SLC17A2: variants seen among roughly 807,000 people sequenced by gnomAD.
The protein encoded by SLC17A2 is solute carrier family 17 member 2.
A neutral mutation model predicts 52.1 loss-of-function variants in SLC17A2; 38 were observed. That is an observed-to-expected ratio of 0.73 (90% CI 0.56 to 0.96). SLC17A2 has a LOEUF of 0.96. SLC17A2 is among the 40% of genes least tolerant of loss of function. The pLI, the probability that SLC17A2 is intolerant of heterozygous loss-of-function variation, is 0.00. For missense variants in SLC17A2, 508 were observed against 583.9 expected, an observed-to-expected ratio of 0.87 and a Z score of 1.34; for synonymous variants, 226 against 211.9, an observed-to-expected ratio of 1.07 and a Z score of -0.58.
rs1384972605 is a variant in SLC17A2 at position 25,918,582 on chromosome 6, A to C, written c.563-9T>G. 6 of 1,584,556 alleles carry C rather than the reference A, an allele frequency of 3.8e-6. No homozygotes were observed. ...GGATCCAAATGCTGACCCTAAAGGA[A>C]AAAGGGAGAAAAACACTTATGAAAA... On this transcript the variant is annotated splice_polypyrimidine_tract_variant and intron_variant, in intron 5 of 11. Coordinates refer to ENST00000377850, the MANE Select transcript of SLC17A2 (RefSeq NM_001286123.3).
At position 25,921,226 on chromosome 6, in the gene SLC17A2, C is replaced by T. The variant is rs1050237389; in HGVS notation, c.427G>A (p.Gly143Arg). The T allele has an allele frequency of 9.9e-6, 16 of 1,614,120 alleles. No homozygotes were observed. Among genetic ancestry groups the T allele is most frequent in the South Asian group, 2.2e-5 (2 of 91,072 alleles). The change falls in exon 4 of 12, where the codon GGA becomes AGA. Residue 143 changes from glycine to arginine, a missense_variant. Gly to Arg is a moderately radical substitution (Grantham distance 125, BLOSUM62 -2). Coordinates refer to ENST00000377850, the MANE Select transcript of SLC17A2 (RefSeq NM_001286123.3). ...TLFTPLAADF[G>R]VILVIMVRTV... is the part of the protein sequence containing the mutation. ...CGAACCATGATGACCAAAATCACTCCGAAGTCAGCAGCCAGTGGTGTAAAG... is the reference window on the plus strand; with the variant it reads ...CGAACCATGATGACCAAAATCACTCTGAAGTCAGCAGCCAGTGGTGTAAAG...
chr6:25,913,806 TG>T (rs1300127012), intron 11 of SLC17A2, among the ~76,000 whole-genome samples: 3 of 149,882 alleles, frequency 2.0e-5, no homozygotes, highest in Non-Finnish European at 3.0e-5. Context: ...CTGTTTGTTT[TG>T]TTTTTTTTTG....
At chr6:25,930,191 A>G (rs1766903573) in intron 1 of SLC17A2, 86 bp downstream of exon 1, 1 of 152,262 alleles carries the variant, frequency 6.6e-6, no homozygotes, top group African/African-American at 2.4e-5. Context: ...CACAGTCCCA[A>G]ACACAAATCT....
At chr6:25,926,101 T>TAAA in intron 1 of SLC17A2, among the ~76,000 whole-genome samples, 1 of 152,296 alleles carries the variant, frequency 6.6e-6, no homozygotes, top group Non-Finnish European at 1.5e-5. Context: ...TCTCTAATCA[T>TAAA]TCATTTCCTC....
rs527781305 is a variant in SLC17A2 at position 25,928,925 on chromosome 6, T to TA, written c.-84+1351dup. ...ATTAAGTTAAAGGAAAATGTTATAT[T>TA]AAAAAAAATTACTTGACACAGTATA... On this transcript the variant is annotated intron_variant, in intron 1 of 11. Coordinates refer to ENST00000377850, the MANE Select transcript of SLC17A2 (RefSeq NM_001286123.3). Among the ~76,000 whole-genome samples, 154 of 152,074 alleles carry TA rather than the reference T, an allele frequency of 1.0e-3. 3 individuals are homozygous for TA. In the South Asian group the frequency reaches 0.021, roughly 21 times the overall value.
intron 2 of SLC17A2, 45 bp from the exon 3 acceptor site, chr6:25,923,951 C>T: frequency 6.8e-7 from 1 of 1,468,976 alleles, no homozygotes; most frequent in Non-Finnish European, 9.5e-7. Flanking sequence ...CTGACTGAGA[C>T]CCCTTTCTTT....
chr6:25,923,088 G>T (rs1010883189), intron 3 of SLC17A2, among the ~76,000 whole-genome samples: 1 of 152,118 alleles, frequency 6.6e-6, no homozygotes, highest in African/African-American at 2.4e-5. Context: ...TTGGGAGGCC[G>T]AGACAGGAAA....
At chr6:25,918,862 T>C (rs1766429750) in intron 5 of SLC17A2, among the ~76,000 whole-genome samples, 1 of 152,228 alleles carries the variant, frequency 6.6e-6, no homozygotes, top group Admixed American at 6.5e-5. Context: ...TCACAGCCCA[T>C]TAGCATTTTC....
In SLC17A2 at chr6:25,913,332, G is replaced by A; in HGVS notation, c.1422C>T (p.Thr474=). 1 of 1,614,056 alleles carries A rather than the reference G, an allele frequency of 6.2e-7. No individual in the cohort carries two copies. Among genetic ancestry groups the A allele is most frequent in the Middle Eastern group, 1.6e-4 (1 of 6,062 alleles). The change falls in exon 12 of 12, where the codon ACC becomes ACT. Residue 474 remains threonine, a synonymous_variant. Coordinates refer to ENST00000377850, the MANE Select transcript of SLC17A2 (RefSeq NM_001286123.3). ...AELQDWAKER[T]LTRL is the part of the protein sequence containing the mutation. ...CTTTATGTCCTCAGAGGCGGGTAAGGGTCCTCTCTTTGGCCCAGTCTTGAA... is the reference window on the plus strand; with the variant it reads ...CTTTATGTCCTCAGAGGCGGGTAAGAGTCCTCTCTTTGGCCCAGTCTTGAA...
intron 1 of SLC17A2, among the ~76,000 whole-genome samples, chr6:25,929,497 T>C (rs1252784415): frequency 1.3e-5 from 2 of 152,198 alleles, no homozygotes; most frequent in Non-Finnish European, 2.9e-5. Flanking sequence ...AAAGTGCCTT[T>C]GATTGGTTGT....
chr6:25,920,887 T>G (rs1032681242), intron 5 of SLC17A2, 119 bp downstream of exon 5: 1 of 837,656 alleles, frequency 1.2e-6, no homozygotes, highest in African/African-American at 1.7e-5. Flanking sequence ...GTGTCTTATA[T>G]TGTTGAATTT....
intron 3 of SLC17A2, 34 bp from the exon 4 acceptor site, chr6:25,921,446 A>C (rs771987527): frequency 6.8e-7 from 1 of 1,476,262 alleles, no homozygotes. Context: ...TTTGTCAAGA[A>C]GTCCTATTAT....
intron 3 of SLC17A2, among the ~76,000 whole-genome samples, chr6:25,922,698 T>C (rs185130870): frequency 1.4e-4 from 22 of 152,298 alleles, no homozygotes; most frequent in South Asian, 4.1e-4. Context: ...ATGGGAAATG[T>C]ACAGTACAAG....
intron 11 of SLC17A2, among the ~76,000 whole-genome samples, chr6:25,914,162 T>C (rs1766211028): frequency 6.6e-6 from 1 of 152,216 alleles, no homozygotes; most frequent in South Asian, 2.1e-4. Flanking sequence ...AAATTATCTT[T>C]AAACTGGCCT....
intron 1 of SLC17A2, 81 bp from the exon 2 acceptor site, chr6:25,925,960 A>G: frequency 1.3e-6 from 1 of 751,862 alleles, no homozygotes; most frequent in Non-Finnish European, 2.4e-6. Context: ...CATCAGTAAA[A>G]GTTTTGACCC....
chr6:25,921,506 A>T (rs1020187646), intron 3 of SLC17A2, 94 bp from the exon 4 acceptor site: 114 of 772,426 alleles, frequency 1.5e-4, no homozygotes, highest in South Asian at 4.9e-4. Context: ...AGACCCTAGT[A>T]TAAAATATTG....
At chr6:25,918,959 C>A (rs1011658692) in intron 5 of SLC17A2, among the ~76,000 whole-genome samples, 4 of 152,078 alleles carry the variant, frequency 2.6e-5, no homozygotes. Context: ...AAGATACAGC[C>A]CCTGCCCTCA....
chr6:25,926,676 T>G (rs1216185527), intron 1 of SLC17A2, among the ~76,000 whole-genome samples: 2 of 152,230 alleles, frequency 1.3e-5, no homozygotes, highest in African/African-American at 4.8e-5. Flanking sequence ...AAGAATATCA[T>G]CAATTTTCCA....
At chr6:25,920,541 T>G (rs1766512974) in intron 5 of SLC17A2, among the ~76,000 whole-genome samples, 1 of 152,220 alleles carries the variant, frequency 6.6e-6, no homozygotes, top group African/African-American at 2.4e-5. Context: ...TTGTGAGAAT[T>G]AATGAGCTCA....
Sources: allele counts gnomAD v4.1 joint callset (sites outside exome capture counted in the v4.1 genomes callset), GRCh38; gene constraint gnomAD v4.1.1; transcripts MANE v1.5; gene names NCBI Gene and HGNC (gene_info 2026-07-23, HGNC 2026-07-21).